The following WWC1 variants were observed in gnomAD, a reference collection of about 807,000 sequenced individuals.
WWC1 encodes WW and C2 domain containing 1.
WWC1 carries 55 observed loss-of-function variants against 138.4 expected under a neutral mutation model. The observed-to-expected ratio is 0.40, with a 90% CI of 0.32 to 0.50. The LOEUF (loss-of-function observed/expected upper bound fraction) is 0.50, where lower values mean the gene tolerates loss of function less well. Among genes scored for constraint, WWC1 ranks in the 20% least tolerant of loss-of-function variants. The pLI is 0.72. For missense variants in WWC1, 1,226 were observed against 1,420.4 expected (o/e 0.86, Z 2.20); for synonymous variants, 524 against 564.9 (o/e 0.93, Z 1.03).
chr5:168,292,349 A>G lies in WWC1; in HGVS notation c.119+78A>G, dbSNP rs1174494455. On this transcript the variant is annotated intron_variant, in intron 1 of 22. Coordinates refer to ENST00000265293, the MANE Select transcript of WWC1 (RefSeq NM_015238.3). This position sits in a 1 kb window ranked among gnomAD's most constrained non-coding sequence, Gnocchi z 4.4. The stretch of plus-strand genomic sequence containing the variant: ...CCTGCCCCTGGAGCCGCCGGCCGGG[A>G]CTGGGAGGGGGCAGGGGAGCTCTGC... The G allele has an allele frequency of 3.1e-5, 46 of 1,499,906 alleles. No homozygotes were observed. Among genetic ancestry groups the G allele is most frequent in the Non-Finnish European group, 4.0e-5 (45 of 1,114,064 alleles). 92.9% of individuals were successfully genotyped at this position (1,499,906 alleles called of 1,614,324 possible). A position where few individuals can be genotyped will look rare whatever the true frequency, so the allele number is the denominator to read the frequency against.
intron 1 of WWC1, among the ~76,000 whole-genome samples, chr5:168,349,183 T>G (rs1485958661): frequency 6.6e-6 from 1 of 152,130 alleles, no homozygotes; most frequent in East Asian, 1.9e-4. Flanking sequence ...CTAAAAGTCC[T>G]TTCATTACCG....
At chr5:168,340,278 G>A (rs116001595) in intron 1 of WWC1, among the ~76,000 whole-genome samples, 2,796 of 152,108 alleles carry the variant, frequency 0.018, 40 homozygotes, top group South Asian at 0.054. Flanking sequence ...GTTTCCTCAC[G>A]TTGGCCAGGC....
intron 1 of WWC1, among the ~76,000 whole-genome samples, chr5:168,351,998 G>A (rs10475877): frequency 0.059 from 8,958 of 152,220 alleles, 370 homozygotes; most frequent in African/African-American, 0.11. Context: ...AGCAGATTCC[G>A]ATCTCAGAGC....
At chr5:168,303,708 A>G (rs983504455) in intron 1 of WWC1, among the ~76,000 whole-genome samples, 3 of 152,164 alleles carry the variant, frequency 2.0e-5, no homozygotes, top group East Asian at 1.9e-4. Flanking sequence ...TTGTATTTTC[A>G]TGGCCACAGC....
intron 1 of WWC1, among the ~76,000 whole-genome samples, chr5:168,336,264 G>A (rs923974625): frequency 3.3e-5 from 5 of 152,052 alleles, no homozygotes; most frequent in Non-Finnish European, 5.9e-5. Context: ...GCCAAGGCAC[G>A]TTCTCCTTTT....
intron 1 of WWC1, among the ~76,000 whole-genome samples, chr5:168,297,027 A>G (rs1317009831): frequency 6.6e-6 from 1 of 151,564 alleles, no homozygotes. Flanking sequence ...TGGATCTGCC[A>G]CTTGCTACCT....
At chr5:168,410,221 C>A in intron 8 of WWC1, 1 of 508,090 alleles carries the variant, frequency 2.0e-6, no homozygotes, top group Non-Finnish European at 3.5e-6. Flanking sequence ...ATGCTTTGAA[C>A]CCAGATCTGT....
rs749354901 is a variant in WWC1, at chr5:168,414,384, C to T, written c.978C>T (p.Asp326=). Residue 326 remains aspartate (D), a synonymous_variant, in exon 9 of 23, where the codon GAC becomes GAT. Transcript: ENST00000265293. Reference sequence around the variant, plus strand: ...TGAAGATCCAGCTGGCCAAGCTTGACAGTGAGGCCTGGCCTGGGGTGCTGG... The same window carrying T: ...TGAAGATCCAGCTGGCCAAGCTTGATAGTGAGGCCTGGCCTGGGGTGCTGG... ...ANLKIQLAKL[D]SEAWPGVLDS... 1.4e-5 allele frequency: 23 copies of T among 1,610,182 alleles called. No individual in the cohort carries two copies. Among genetic ancestry groups the T allele is most frequent in the Non-Finnish European group, 1.9e-5 (22 of 1,178,324 alleles).
chr5:168,378,494 T>C, intron 2 of WWC1, among the ~76,000 whole-genome samples: 1 of 152,238 alleles, frequency 6.6e-6, no homozygotes, highest in African/African-American at 2.4e-5. Flanking sequence ...GCCAACCTTT[T>C]GGTTTATTTT....
chr5:168,422,299 T>C lies in WWC1; in HGVS notation c.1274+202T>C, dbSNP rs76945460. On this transcript the variant is annotated intron_variant, in intron 10 of 22. Coordinates refer to ENST00000265293, the MANE Select transcript of WWC1 (RefSeq NM_015238.3). ...AGGGGTCTTGACCTCTCCAGACTGA[T>C]AGCACAAAGAAGGCCCCAGGCAGGT... 9.5e-3 allele frequency among the ~76,000 whole-genome samples: 1,454 copies of C among 152,296 alleles called. 20 individuals carry two copies. Among genetic ancestry groups the C allele is most frequent in the African/African-American group, 0.033 (1,389 of 41,544 alleles).
At chr5:168,398,083 TTTTA>T (rs149097323) in intron 4 of WWC1, among the ~76,000 whole-genome samples, 48,308 of 150,986 alleles carry the variant, frequency 0.32, 8,141 homozygotes, top group South Asian at 0.52. Context: ...ATTTTATTAT[TTTTA>T]TTTATTTATT....
rs199766185 is a variant in WWC1, at chr5:168,350,868, G to C, written c.120-20556G>C. 1.2e-4 allele frequency among the ~76,000 whole-genome samples: 18 copies of C among 152,296 alleles called. No homozygotes were observed. In the East Asian group the frequency reaches 3.5e-3, roughly 29 times the overall value. Reference sequence around the variant, plus strand: ...TGTTACCAATTCCCAGCTAGAGGCTGGGCGCGGTGGCTCACGCCTGTAATC... The same window carrying C: ...TGTTACCAATTCCCAGCTAGAGGCTCGGCGCGGTGGCTCACGCCTGTAATC... On this transcript the variant is annotated intron_variant, in intron 1 of 22. Transcript: ENST00000265293.
chr5:168,323,343 C>G (rs1330490566), intron 1 of WWC1, among the ~76,000 whole-genome samples: 2 of 152,098 alleles, frequency 1.3e-5, no homozygotes, highest in South Asian at 2.1e-4. Flanking sequence ...CTCAGGAGTT[C>G]AAGACCAGCC....
intron 1 of WWC1, among the ~76,000 whole-genome samples, chr5:168,308,926 A>G (rs766349934): frequency 1.3e-5 from 2 of 152,118 alleles, no homozygotes; most frequent in Non-Finnish European, 2.9e-5. Flanking sequence ...GAAGTCTTCA[A>G]TCTGCAAACC....
chr5:168,431,487 T>C (rs1045666918), intron 15 of WWC1, 43 bp downstream of exon 15: 2 of 1,551,678 alleles, frequency 1.3e-6, no homozygotes, highest in African/African-American at 1.4e-5. Flanking sequence ...GCTGGCTGGC[T>C]GGCTGGCTGG....
chr5:168,367,962 C>T (rs1776443028), intron 1 of WWC1, among the ~76,000 whole-genome samples: 1 of 151,834 alleles, frequency 6.6e-6, no homozygotes. Context: ...AACACACACA[C>T]ACACACTCTC....
rs1374882535 is a variant in WWC1 at position 168,324,745 on chromosome 5, GA to G, written c.119+32481del. Among the ~76,000 whole-genome samples the G allele has an allele frequency of 7.2e-5, 11 of 151,860 alleles. No individual in the cohort carries two copies. The East Asian group carries it at 1.7e-3, about 24-fold the overall frequency. ...GACTAAACACTTTAATTAAAAAGTA[GA>G]AAAAAAGAACAAGACTCAAGTATAT... On this transcript the variant is annotated intron_variant, in intron 1 of 22. Transcript: ENST00000265293.
At chr5:168,408,792 T>C in intron 7 of WWC1, 139 bp downstream of exon 7, 2 of 1,176,012 alleles carry the variant, frequency 1.7e-6, no homozygotes, top group Non-Finnish European at 2.4e-6. Context: ...GCCTCAGCCC[T>C]CTGGAGCTCT....
At chr5:168,412,801 A>G (rs921658632) in intron 8 of WWC1, among the ~76,000 whole-genome samples, 1 of 152,230 alleles carries the variant, frequency 6.6e-6, no homozygotes, top group Non-Finnish European at 1.5e-5. Context: ...TGTGTTGGGT[A>G]TTATAAGTAA....
Sources: allele counts gnomAD v4.1 joint callset (sites outside exome capture counted in the v4.1 genomes callset), GRCh38; gene constraint gnomAD v4.1.1; non-coding constraint Gnocchi (gnomAD v3.1); transcripts MANE v1.5; gene names NCBI Gene and HGNC (gene_info 2026-07-23, HGNC 2026-07-21).